Variants in MINK1 observed in about 807,000 individuals in gnomAD.
MINK1 encodes misshapen-like kinase 1.
Under a neutral mutation model 178.4 loss-of-function variants are expected in MINK1, and 46 were observed. That is an observed-to-expected ratio of 0.26 (90% CI 0.20 to 0.33). The LOEUF (loss-of-function observed/expected upper bound fraction) is 0.33, where lower values mean the gene tolerates loss of function less well. Among genes scored for constraint, MINK1 ranks in the 10% least tolerant of loss-of-function variants. The pLI, the probability that MINK1 is intolerant of heterozygous loss-of-function variation, is 1.00. For missense variants in MINK1, 1,366 were observed against 1,814.9 expected (o/e 0.75, Z 4.49); for synonymous variants, 797 against 709.7 (o/e 1.12, Z -1.96).
intron 21 of MINK1, 132 bp downstream of exon 21, chr17:4,893,729 G>T (rs1218500598): frequency 1.5e-6 from 2 of 1,310,228 alleles, no homozygotes; most frequent in South Asian, 1.6e-5. Flanking sequence ...TGGGGTGAGG[G>T]TGCAGGTTCC....
At chr17:4,835,243 C>A (rs919632188) in intron 1 of MINK1, among the ~76,000 whole-genome samples, 1 of 152,192 alleles carries the variant, frequency 6.6e-6, no homozygotes, top group African/African-American at 2.4e-5. Context: ...GTGCTCCATT[C>A]TGGGATGAAC....
rs977062421 is a variant in MINK1, at chr17:4,887,295, A to T, written c.1019+116A>T. ...GGGTGGTGGGCACAGAGAGGTAGAG[A>T]CTCCTGGAAACCAAATTTCTGAGTG... On this transcript the variant is annotated intron_variant, in intron 11 of 31. Coordinates refer to ENST00000355280, the MANE Select transcript of MINK1 (RefSeq NM_153827.5). The surrounding 1 kb of genome is among the most constrained non-coding windows in gnomAD (Gnocchi z 7.6). The T allele has an allele frequency of 2.9e-6, 3 of 1,051,018 alleles. No homozygotes were observed. The South Asian group carries it at 4.3e-5, about 15-fold the overall frequency. 65.1% of individuals were successfully genotyped at this position (1,051,018 alleles called of 1,614,324 possible). A position where few individuals can be genotyped will look rare whatever the true frequency, so the allele number is the denominator to read the frequency against.
intron 1 of MINK1, among the ~76,000 whole-genome samples, chr17:4,842,535 C>A (rs1910410776): frequency 6.6e-6 from 1 of 152,194 alleles, no homozygotes. Flanking sequence ...TGCTAGCATA[C>A]CTCTGGAGGT....
At chr17:4,867,556 T>C (rs1372201672) in intron 1 of MINK1, among the ~76,000 whole-genome samples, 1 of 151,926 alleles carries the variant, frequency 6.6e-6, no homozygotes, top group African/African-American at 2.4e-5. Context: ...TCCCAGCACT[T>C]TGGGGGGCTA....
intron 1 of MINK1, among the ~76,000 whole-genome samples, chr17:4,851,566 T>C (rs1048729994): frequency 5.3e-5 from 8 of 152,278 alleles, no homozygotes; most frequent in Middle Eastern, 6.8e-3. Flanking sequence ...CCTTCTCCTT[T>C]CCACTGCGCT....
At chr17:4,864,273 C>T (rs1914607116) in intron 1 of MINK1, among the ~76,000 whole-genome samples, 1 of 151,696 alleles carries the variant, frequency 6.6e-6, no homozygotes, top group Admixed American at 6.6e-5. Flanking sequence ...GTGGCGCATG[C>T]CTGTAATCCC....
intron 1 of MINK1, among the ~76,000 whole-genome samples, chr17:4,863,910 C>T (rs1356485402): frequency 6.6e-6 from 1 of 152,104 alleles, no homozygotes; most frequent in Non-Finnish European, 1.5e-5. Context: ...CTGCCTCAGC[C>T]TCCCAAGTAG....
intron 1 of MINK1, among the ~76,000 whole-genome samples, chr17:4,858,478 A>AT (rs1567573982): frequency 2.8e-5 from 4 of 143,718 alleles, no homozygotes; most frequent in Admixed American, 6.8e-5. Context: ...ATTTAAATTT[A>AT]ATTTTTTTTT....
At chr17:4,882,663 C>G (rs1418484554) in intron 4 of MINK1, among the ~76,000 whole-genome samples, 2 of 152,236 alleles carry the variant, frequency 1.3e-5, no homozygotes, top group Non-Finnish European at 2.9e-5. Context: ...CCCAGCTACA[C>G]GGTTCTGTTG....
chr17:4,839,115 T>G (rs545758282), intron 1 of MINK1, among the ~76,000 whole-genome samples: 8 of 152,290 alleles, frequency 5.3e-5, no homozygotes, highest in African/African-American at 1.9e-4. Context: ...GGCTAATTTT[T>G]TGTATTTTTA....
chr17:4,851,203 A>G (rs556467588), intron 1 of MINK1, among the ~76,000 whole-genome samples: 1 of 152,278 alleles, frequency 6.6e-6, no homozygotes, highest in African/African-American at 2.4e-5. Context: ...TAATGACTCT[A>G]TGCAAATTTG....
intron 1 of MINK1, among the ~76,000 whole-genome samples, chr17:4,869,239 T>A (rs1022966461): frequency 6.9e-6 from 1 of 145,430 alleles, no homozygotes; most frequent in Non-Finnish European, 1.5e-5. Flanking sequence ...TTTTAATTTT[T>A]AAATTATTAT....
chr17:4,892,383 C>T lies in MINK1; in HGVS notation c.2088-19C>T. 4 of 1,540,766 alleles carry T rather than the reference C, an allele frequency of 2.6e-6. No individual in the cohort carries two copies. Among genetic ancestry groups the T allele is most frequent in the Non-Finnish European group, 2.6e-6 (3 of 1,140,338 alleles). ...CGCCCCCCCGCCGCCCCCTCGGCACCCCTGTGCTCCCTTCACAGACCTCGC... is the reference window on the plus strand; with the variant it reads ...CGCCCCCCCGCCGCCCCCTCGGCACTCCTGTGCTCCCTTCACAGACCTCGC... On this transcript the variant is annotated intron_variant, in intron 17 of 31. Coordinates refer to ENST00000355280, the MANE Select transcript of MINK1 (RefSeq NM_153827.5).
chr17:4,881,134 C>T lies in MINK1; in HGVS notation c.183C>T (p.Asp61=), dbSNP rs371684085. 44 of 1,536,896 alleles carry T rather than the reference C, an allele frequency of 2.9e-5. No homozygotes were observed. The highest frequency in any genetic ancestry group is 1.4e-4 in the South Asian group (12 of 84,046). Residue 61 remains aspartate, a splice_region_variant and synonymous_variant, in exon 4 of 32, where the codon GAC becomes GAT. Coordinates refer to ENST00000355280, the MANE Select transcript of MINK1 (RefSeq NM_153827.5). ...CTCAGCTCCTCCCATCTGCTTAGGACGAGGAGGAAGAGATCAAACAGGAGA... is the reference window on the plus strand; with the variant it reads ...CTCAGCTCCTCCCATCTGCTTAGGATGAGGAGGAAGAGATCAAACAGGAGA... ...AAIKVMDVTE[D]EEEEIKQEIN...
intron 4 of MINK1, 89 bp downstream of exon 4, chr17:4,881,346 C>T (rs1967684421): frequency 2.2e-6 from 3 of 1,386,950 alleles, no homozygotes; most frequent in African/African-American, 1.4e-5. Flanking sequence ...CCCAGCATCT[C>T]TCCTTGCCAG....
At chr17:4,864,331 G>A (rs376421129) in intron 1 of MINK1, among the ~76,000 whole-genome samples, 26 of 148,358 alleles carry the variant, frequency 1.8e-4, no homozygotes, top group African/African-American at 3.5e-4. Flanking sequence ...CCTGGGAGGC[G>A]GAGGTTGCAG....
intron 1 of MINK1, among the ~76,000 whole-genome samples, chr17:4,839,687 G>T (rs1909887817): frequency 6.6e-6 from 1 of 152,134 alleles, no homozygotes; most frequent in Non-Finnish European, 1.5e-5. Context: ...TGGAAAAAGG[G>T]TTTTGAGGCT....
At position 4,866,609 on chromosome 17, in the gene MINK1, C is replaced by CAA. The variant is rs33971421; in HGVS notation, c.58-11692_58-11691dup. Among the ~76,000 whole-genome samples the CAA allele has an allele frequency of 4.2e-4, 59 of 141,482 alleles. No individual in the cohort carries two copies. In the East Asian group the frequency reaches 9.0e-3, roughly 22 times the overall value. The allele number at this position is 141,482 out of a possible 152,430, so 92.8% of individuals were successfully genotyped here. A position where few individuals can be genotyped will look rare whatever the true frequency, so the allele number is the denominator to read the frequency against. ...CAACATAGTGAGACCCTGATTCTAC[C>CAA]AAAAAAAAAAAAAAAAATAGCCAGG... is the stretch of plus-strand genomic sequence containing the variant. On this transcript the variant is annotated intron_variant, in intron 1 of 31. Coordinates refer to ENST00000355280, the MANE Select transcript of MINK1 (RefSeq NM_153827.5).
Position 4,886,968 on chromosome 17 carries a change from C to A in MINK1, c.950-142C>A. Reference sequence around the variant, plus strand: ...CAGGCCCACACCTGAGACCCGCTGTCCTCCCATTGCCCCCAGGAAGTGGGT... The same window carrying A: ...CAGGCCCACACCTGAGACCCGCTGTACTCCCATTGCCCCCAGGAAGTGGGT... On this transcript the variant is annotated intron_variant, in intron 10 of 31. Coordinates refer to ENST00000355280, the MANE Select transcript of MINK1 (RefSeq NM_153827.5). The surrounding 1 kb of genome is among the most constrained non-coding windows in gnomAD (Gnocchi z 6.1). 1.3e-6 allele frequency: 1 copy of A among 774,128 alleles called. No individual in the cohort carries two copies. Among genetic ancestry groups the A allele is most frequent in the Non-Finnish European group, 2.1e-6 (1 of 474,106 alleles). The allele number at this position is 774,128 out of a possible 1,614,324, so 48.0% of individuals were successfully genotyped here. A position where few individuals can be genotyped will look rare whatever the true frequency, so the allele number is the denominator to read the frequency against.
Sources: gnomAD v4.1 joint callset for allele counts (sites outside exome capture counted in the v4.1 genomes callset) on GRCh38, gnomAD v4.1.1 for gene constraint, Gnocchi (gnomAD v3.1) non-coding constraint, MANE v1.5 for transcripts, NCBI Gene and HGNC (gene_info 2026-07-23, HGNC 2026-07-21) for gene names.